SUPT5H: variants seen among roughly 807,000 people sequenced by gnomAD.
SUPT5H encodes the protein transcription elongation factor SPT5.
SUPT5H carries 24 observed loss-of-function variants against 142.5 expected under a neutral mutation model. The observed-to-expected ratio is 0.17, with a 90% confidence interval of 0.12 to 0.24. The LOEUF is 0.24. Ranked by LOEUF, SUPT5H falls within the 10% of genes least tolerant of loss-of-function variation. SUPT5H has a pLI of 1.00. For missense variants in SUPT5H, 893 were observed against 1,471.8 expected (o/e 0.61, Z 6.43); for synonymous variants, 546 against 553.0 (o/e 0.99, Z 0.18).
chr19:39,453,412 CGAA>C lies in SUPT5H; in HGVS notation c.135_137del (p.Glu53del). On this transcript the variant is annotated inframe_deletion, in exon 3 of 30. Coordinates refer to ENST00000432763, the MANE Select transcript of SUPT5H (RefSeq NM_001111020.3). ...GTGAGAAAGAAGAAGAGCCTGAGGACGAAGAGGAGGAGGAAGAGGAGGAGGAAT... is the reference window on the plus strand; with the variant it reads ...GTGAGAAAGAAGAAGAGCCTGAGGACGAGGAGGAGGAAGAGGAGGAGGAAT... 6.3e-7 allele frequency: 1 copy of C among 1,590,928 alleles called. No homozygotes were observed. Among genetic ancestry groups the C allele is most frequent in the Non-Finnish European group, 8.6e-7 (1 of 1,168,248 alleles).
At position 39,472,411 on chromosome 19, in the gene SUPT5H, C is replaced by T. The variant is rs772630739; in HGVS notation, c.1953C>T (p.Pro651=). The change falls in exon 21 of 30, where the codon CCC becomes CCT. Residue 651 remains proline, a splice_region_variant and synonymous_variant. Coordinates refer to ENST00000432763, the MANE Select transcript of SUPT5H (RefSeq NM_001111020.3). The surrounding 1 kb of genome is among the most constrained non-coding windows in gnomAD (Gnocchi z 4.2). ...TTCACTCCTTGCTTCTATCCTAGCCCCGTGATGTGACCAACTTCACCGTGG... is the reference window on the plus strand; with the variant it reads ...TTCACTCCTTGCTTCTATCCTAGCCTCGTGATGTGACCAACTTCACCGTGG... ...RHLVLAGGSK[P]RDVTNFTVGG... 6.2e-7 allele frequency: 1 copy of T among 1,613,958 alleles called. No individual in the cohort carries two copies. The highest frequency in any genetic ancestry group is 8.5e-7 in the Non-Finnish European group (1 of 1,179,976).
At position 39,458,458 on chromosome 19, in the gene SUPT5H, C is replaced by A; in HGVS notation, c.319+153C>A. 3 of 1,387,140 alleles carry A rather than the reference C, an allele frequency of 2.2e-6. No individual in the cohort carries two copies. Among genetic ancestry groups the A allele is most frequent in the South Asian group, 2.7e-5 (2 of 74,012 alleles). The allele number at this position is 1,387,140 out of a possible 1,614,324, so 85.9% of individuals were successfully genotyped here. On this transcript the variant is annotated intron_variant, in intron 5 of 29. Coordinates refer to ENST00000432763, the MANE Select transcript of SUPT5H (RefSeq NM_001111020.3). This position sits in a 1 kb window ranked among gnomAD's most constrained non-coding sequence, Gnocchi z 4.2. ...ATGTAGGATCCAGAGTCAGGGAGTT[C>A]TGGGGCCAGGTATACCCCAGTTGTT...
In SUPT5H at chr19:39,474,081, A is replaced by G. The variant is rs1351719033; in HGVS notation, c.2611A>G (p.Asn871Asp). 1 of 1,606,236 alleles carries G rather than the reference A, an allele frequency of 6.2e-7. No homozygotes were observed. The highest frequency in any genetic ancestry group is 1.1e-5 in the South Asian group (1 of 90,218). ...GYPDPSSPQVNPQYNPQTPGT... is the reference protein window; with the variant it reads ...GYPDPSSPQVDPQYNPQTPGT... ...CCCAGACCCCTCGTCCCCACAGGTC[A>G]ACCCACAATACAACCCGCAGACGCC... is the stretch of plus-strand genomic sequence containing the variant. The change falls in exon 26 of 30, where the codon AAC (asparagine) becomes GAC (aspartate). Residue 871 changes from asparagine (N) to aspartate (D), a missense_variant. This residue lies in a region of SUPT5H where 336 missense variants were observed against 546.5 expected (regional missense o/e 0.61). Transcript: ENST00000432763. This position sits in a 1 kb window ranked among gnomAD's most constrained non-coding sequence, Gnocchi z 6.5.
Position 39,474,741 on chromosome 19 carries a change from G to A in SUPT5H, c.3024+23G>A. 1 of 1,591,668 alleles carries A rather than the reference G, an allele frequency of 6.3e-7. No homozygotes were observed. Among genetic ancestry groups the A allele is most frequent in the Non-Finnish European group, 8.6e-7 (1 of 1,169,056 alleles). ...ACGGTACGTGGGGCCCAGGGTGGTG[G>A]GTGAGCAGGCATCCTCTCCTTGGTA... On this transcript the variant is annotated intron_variant, in intron 28 of 29. Coordinates refer to ENST00000432763, the MANE Select transcript of SUPT5H (RefSeq NM_001111020.3). This position sits in a 1 kb window ranked among gnomAD's most constrained non-coding sequence, Gnocchi z 6.5.
chr19:39,453,392 AAAG>A lies in SUPT5H; in HGVS notation c.120_122del (p.Glu41del), dbSNP rs536575281. 1,015 of 1,603,366 alleles carry A rather than the reference AAAG, an allele frequency of 6.3e-4. 7 individuals are homozygous for A. In the African/African-American group the frequency reaches 0.011, roughly 18 times the overall value. The stretch of plus-strand genomic sequence containing the variant: ...GCGGCGGAGTGCAGCGGGCAGTGAG[AAAG>A]AAGAAGAGCCTGAGGACGAAGAGGA... On this transcript the variant is annotated inframe_deletion, in exon 3 of 30. Transcript: ENST00000432763.
At position 39,458,433 on chromosome 19, in the gene SUPT5H, A is replaced by G. The variant is rs1480527662; in HGVS notation, c.319+128A>G. Reference sequence around the variant, plus strand: ...GGTCTGGCCCTGAGGGCTCTGACCCATGTAGGATCCAGAGTCAGGGAGTTC... The same window carrying G: ...GGTCTGGCCCTGAGGGCTCTGACCCGTGTAGGATCCAGAGTCAGGGAGTTC... On this transcript the variant is annotated intron_variant, in intron 5 of 29. Transcript: ENST00000432763. The surrounding 1 kb of genome is among the most constrained non-coding windows in gnomAD (Gnocchi z 4.2). The G allele has an allele frequency of 6.6e-7, 1 of 1,504,320 alleles. No homozygotes were observed. The highest frequency in any genetic ancestry group is 9.0e-7 in the Non-Finnish European group (1 of 1,114,812). The allele number at this position is 1,504,320 out of a possible 1,614,324, so 93.2% of individuals were successfully genotyped here. A position where few individuals can be genotyped will look rare whatever the true frequency, so the allele number is the denominator to read the frequency against.
At chr19:39,450,005 T>A (rs1166285782) in intron 2 of SUPT5H, among the ~76,000 whole-genome samples, 1 of 150,556 alleles carries the variant, frequency 6.6e-6, no homozygotes, top group Non-Finnish European at 1.5e-5. Flanking sequence ...TGGTGTGATC[T>A]CGACTCACTG....
chr19:39,466,834 C>A lies in SUPT5H; in HGVS notation c.1037+89C>A. The A allele has an allele frequency of 2.3e-6, 3 of 1,292,166 alleles. No homozygotes were observed. The highest frequency in any genetic ancestry group is 3.4e-6 in the Non-Finnish European group (3 of 889,520). 80.0% of individuals were successfully genotyped at this position (1,292,166 alleles called of 1,614,324 possible). A position where few individuals can be genotyped will look rare whatever the true frequency, so the allele number is the denominator to read the frequency against. On this transcript the variant is annotated intron_variant, in intron 13 of 29. Coordinates refer to ENST00000432763, the MANE Select transcript of SUPT5H (RefSeq NM_001111020.3). The surrounding 1 kb of genome is among the most constrained non-coding windows in gnomAD (Gnocchi z 4.3). ...GCAGGTTCCTCCCCAGGGGTGGCCC[C>A]GCCACAGGTTTAGCCTGTGAATTGG...
rs760484241 is a variant in SUPT5H at position 39,474,625 on chromosome 19, C to T, written c.2931C>T (p.Ser977=). Residue 977 remains serine, a synonymous_variant, in exon 28 of 30, where the codon AGC becomes AGT. Transcript: ENST00000432763. The surrounding 1 kb of genome is among the most constrained non-coding windows in gnomAD (Gnocchi z 6.5). ...GCTCAGGCATCGAGCAGAACTCCAGCGACTGGGTAACCACTGACATTCAGG... is the reference window on the plus strand; with the variant it reads ...GCTCAGGCATCGAGCAGAACTCCAGTGACTGGGTAACCACTGACATTCAGG... ...TPGSGIEQNS[S]DWVTTDIQVK... 6.8e-6 allele frequency: 11 copies of T among 1,614,244 alleles called. No individual in the cohort carries two copies. The highest frequency in any genetic ancestry group is 9.3e-6 in the Non-Finnish European group (11 of 1,180,040).
In SUPT5H at chr19:39,468,822, G is replaced by A. The variant is rs1316035205; in HGVS notation, c.1104G>A (p.Arg368=). Residue 368 remains arginine, a synonymous_variant, in exon 14 of 30, where the codon CGG becomes CGA. Transcript: ENST00000432763. ...TCTTTGAGGGGAACCGTTACAGCCG[G>A]AAGGGCTTTCTGTTCAAGAGCTTCG... ...FLIFEGNRYS[R]KGFLFKSFAM... The A allele has an allele frequency of 1.2e-6, 2 of 1,614,060 alleles. No individual in the cohort carries two copies. Among genetic ancestry groups the A allele is most frequent in the African/African-American group, 1.3e-5 (1 of 74,910 alleles).
In SUPT5H at chr19:39,469,733, T is replaced by C; in HGVS notation, c.1374+335T>C. ...TGTTTGCTTAGAGCGGGGTGTGTGT[T>C]TGTCTGTGTCTGGTGTATGTCTGAG... On this transcript the variant is annotated intron_variant, in intron 16 of 29. Transcript: ENST00000432763. This position sits in a 1 kb window ranked among gnomAD's most constrained non-coding sequence, Gnocchi z 5.1. The C allele has an allele frequency of 4.1e-6, 2 of 492,648 alleles. No homozygotes were observed. The highest frequency in any genetic ancestry group is 7.4e-6 in the Non-Finnish European group (2 of 268,906). 30.5% of individuals were successfully genotyped at this position (492,648 alleles called of 1,614,324 possible). A position where few individuals can be genotyped will look rare whatever the true frequency, so the allele number is the denominator to read the frequency against.
In SUPT5H at chr19:39,472,363, T is replaced by C; in HGVS notation, c.1951-46T>C. 1.3e-6 allele frequency: 2 copies of C among 1,589,784 alleles called. No individual in the cohort carries two copies. The highest frequency in any genetic ancestry group is 1.7e-6 in the Non-Finnish European group (2 of 1,159,098). On this transcript the variant is annotated intron_variant, in intron 20 of 29. Transcript: ENST00000432763. The surrounding 1 kb of genome is among the most constrained non-coding windows in gnomAD (Gnocchi z 4.2). ...GATGATGAGTTCCTGTGGTTTGTGG[T>C]TCCCCCATCCCCTGCCTGCCAGTTC...
chr19:39,464,777 T>C (rs1050992051), intron 10 of SUPT5H, 21 bp from the exon 11 acceptor site: 1 of 1,579,620 alleles, frequency 6.3e-7, no homozygotes. Flanking sequence ...TGTTTCCTCC[T>C]TCCACCGGCT....
At chr19:39,448,567 C>A (rs1254652121) in intron 2 of SUPT5H, among the ~76,000 whole-genome samples, 1 of 151,372 alleles carries the variant, frequency 6.6e-6, no homozygotes, top group African/African-American at 2.5e-5. Flanking sequence ...TGACCCCCCA[C>A]CCCCGCCGCT....
intron 10 of SUPT5H, among the ~76,000 whole-genome samples, chr19:39,461,405 G>A (rs926279191): frequency 6.6e-6 from 1 of 151,958 alleles, no homozygotes; most frequent in Non-Finnish European, 1.5e-5. Flanking sequence ...GGTTGAAAAG[G>A]TACCTTTTGG....
At chr19:39,447,698 C>T (rs1399514054) in intron 2 of SUPT5H, among the ~76,000 whole-genome samples, 7 of 151,820 alleles carry the variant, frequency 4.6e-5, no homozygotes, top group African/African-American at 9.7e-5. Context: ...GGATTACAGG[C>T]GTGAGCCACT....
At position 39,453,381 on chromosome 19, in the gene SUPT5H, C is replaced by G; in HGVS notation, c.101C>G (p.Ala34Gly). The change falls in exon 3 of 30, where the codon GCG (alanine) becomes GGG (glycine). Residue 34 changes from alanine (A) to glycine (G), a missense_variant. Physicochemically the swap from Ala to Gly is moderately conservative, Grantham distance 60. Coordinates refer to ENST00000432763, the MANE Select transcript of SUPT5H (RefSeq NM_001111020.3). Reference protein sequence around the residue: ...AEVDEERRSAAGSEKEEEPED... With the variant: ...AEVDEERRSAGGSEKEEEPED... ...GTAGACGAAGAGCGGCGGAGTGCAG[C>G]GGGCAGTGAGAAAGAAGAAGAGCCT... The G allele has an allele frequency of 6.2e-7, 1 of 1,601,616 alleles. No homozygotes were observed. The highest frequency in any genetic ancestry group is 8.5e-7 in the Non-Finnish European group (1 of 1,173,366).
intron 11 of SUPT5H, among the ~76,000 whole-genome samples, chr19:39,465,725 C>T (rs1423476951): frequency 1.3e-5 from 2 of 152,254 alleles, no homozygotes; most frequent in Admixed American, 6.5e-5. Flanking sequence ...CTGAGAAACC[C>T]GGGAATAGCC....
At chr19:39,463,311 T>C (rs1285407610) in intron 10 of SUPT5H, among the ~76,000 whole-genome samples, 1 of 152,116 alleles carries the variant, frequency 6.6e-6, no homozygotes, top group Non-Finnish European at 1.5e-5. Context: ...CTTTTTTTTC[T>C]TTTAGTTGGT....
Sources: allele counts gnomAD v4.1 joint callset (sites outside exome capture counted in the v4.1 genomes callset), GRCh38; gene constraint gnomAD v4.1.1; regional missense constraint gnomAD v4.1.1; non-coding constraint Gnocchi (gnomAD v3.1); transcripts MANE v1.5; gene names NCBI Gene and HGNC (gene_info 2026-07-23, HGNC 2026-07-21).